RSPH6A: variants seen among roughly 807,000 people sequenced by gnomAD.
RSPH6A encodes the protein radial spoke head protein 6 homolog A.
A neutral mutation model predicts 66.1 loss-of-function variants in RSPH6A; 49 were observed. The observed-to-expected ratio is 0.74, with a 90% CI of 0.59 to 0.94. The LOEUF is 0.94. Among genes scored for constraint, RSPH6A ranks in the 40% least tolerant of loss-of-function variants. The pLI, the probability that RSPH6A is intolerant of heterozygous loss-of-function variation, is 0.00. For synonymous variants in RSPH6A, 419 were observed against 402.4 expected, an observed-to-expected ratio of 1.04 and a Z score of -0.49; for missense variants, 977 against 948.3, an observed-to-expected ratio of 1.03 and a Z score of -0.40.
At chr19:45,800,600 CA>C in intron 4 of RSPH6A, 37 bp from the exon 5 acceptor site, 1 of 1,567,462 alleles carries the variant, frequency 6.4e-7, no homozygotes, top group Non-Finnish European at 8.7e-7. Context: ...GCAGCAGGGT[CA>C]GGGAGGCCCC....
Position 45,802,156 on chromosome 19 carries a change from C to G in RSPH6A, c.1762G>C (p.Gly588Arg). The stretch of plus-strand genomic sequence containing the variant: ...GAAAGTGGCGTTAGCAGTGGGGGGC[C>G]AACCTCCTGCTCCACCTCCTCTGGC... ...EGPEEVEQEV[G>R]PPLLTPLSED... is the part of the protein sequence containing the mutation. Residue 588 changes from glycine (G) to arginine (R), a missense_variant, in exon 4 of 6, where the codon GGC becomes CGC. Coordinates refer to ENST00000221538, the MANE Select transcript of RSPH6A (RefSeq NM_030785.4). The G allele has an allele frequency of 7.1e-6, 11 of 1,557,548 alleles. No individual in the cohort carries two copies. The highest frequency in any genetic ancestry group is 9.6e-6 in the Non-Finnish European group (11 of 1,146,960).
At chr19:45,811,219 C>T (rs1970623667) in intron 1 of RSPH6A, among the ~76,000 whole-genome samples, 1 of 152,038 alleles carries the variant, frequency 6.6e-6, no homozygotes, top group Non-Finnish European at 1.5e-5. Flanking sequence ...GTCTCGAACT[C>T]CTGACCTCGT....
chr19:45,807,415 C>T (rs1442785151), intron 2 of RSPH6A, among the ~76,000 whole-genome samples: 2 of 152,046 alleles, frequency 1.3e-5, no homozygotes, highest in African/African-American at 4.8e-5. Flanking sequence ...CAGGGTTTCA[C>T]CATGTTAGCC....
In RSPH6A at chr19:45,801,195, T is replaced by C. The variant is rs144726843; in HGVS notation, c.1799-632A>G. ...AATGGGGAGACTCATCTGGCCTTTG[T>C]TGCAGGGTGGCAGTGAAGCCTGGTG... On this transcript the variant is annotated intron_variant, in intron 4 of 5. Transcript: ENST00000221538. 2.0e-3 allele frequency among the ~76,000 whole-genome samples: 305 copies of C among 152,302 alleles called. 3 individuals are homozygous for C. Among genetic ancestry groups the C allele is most frequent in the African/African-American group, 7.1e-3 (294 of 41,566 alleles).
Position 45,815,126 on chromosome 19 carries a change from GC to G in RSPH6A, c.50del (p.Gly17AlafsTer54), listed in dbSNP as rs1259491116. On this transcript the variant is annotated frameshift_variant, in exon 1 of 6. Coordinates refer to ENST00000221538, the MANE Select transcript of RSPH6A (RefSeq NM_030785.4). LOFTEE classifies it high-confidence loss of function. ...YPERPAQQPP[G>X]RRTSQASQRR... ...TCTGGGAGGCCTGAGAAGTCCTCCGGCCCGGAGGCTGCTGGGCAGGGCGCTC... is the reference window on the plus strand; with the variant it reads ...TCTGGGAGGCCTGAGAAGTCCTCCGGCCGGAGGCTGCTGGGCAGGGCGCTC... 6.2e-7 allele frequency: 1 copy of G among 1,611,740 alleles called. No homozygotes were observed. Among genetic ancestry groups the G allele is most frequent in the Non-Finnish European group, 8.5e-7 (1 of 1,179,940 alleles).
intron 3 of RSPH6A, among the ~76,000 whole-genome samples, chr19:45,802,696 G>A (rs563255602): frequency 2.4e-4 from 37 of 151,598 alleles, no homozygotes; most frequent in African/African-American, 8.2e-4. Context: ...TAGTAGAGAC[G>A]GGGTTTCACC....
rs773289601 is a variant in RSPH6A, at chr19:45,810,590, C to T, written c.888+13G>A. ...TGACCCTGATGCCCACCTCTCCTGA[C>T]TGGCTCACTCACCACCTCCTCCTCC... On this transcript the variant is annotated intron_variant, in intron 2 of 5. Coordinates refer to ENST00000221538, the MANE Select transcript of RSPH6A (RefSeq NM_030785.4). 6.2e-7 allele frequency: 1 copy of T among 1,612,620 alleles called. No homozygotes were observed. Among genetic ancestry groups the T allele is most frequent in the Non-Finnish European group, 8.5e-7 (1 of 1,178,748 alleles).
intron 2 of RSPH6A, among the ~76,000 whole-genome samples, chr19:45,807,550 GCC>G (rs1202824197): frequency 2.6e-5 from 4 of 151,696 alleles, no homozygotes; most frequent in African/African-American, 9.7e-5. Flanking sequence ...TCGCTCTGTT[GCC>G]CAGGCTGGAG....
chr19:45,797,403 TA>T (rs1402041193), intron 5 of RSPH6A, among the ~76,000 whole-genome samples: 1 of 151,318 alleles, frequency 6.6e-6, no homozygotes, highest in Non-Finnish European at 1.5e-5. Flanking sequence ...AAGAAATAAG[TA>T]ACTAAAAATA....
chr19:45,810,957 G>T (rs1323307866), intron 1 of RSPH6A, 117 bp from the exon 2 acceptor site: 12 of 660,212 alleles, frequency 1.8e-5, no homozygotes, highest in Middle Eastern at 2.9e-4. Flanking sequence ...AACTGAAAAG[G>T]TCCCTGCCCA....
In RSPH6A at chr19:45,795,800, C is replaced by T; in HGVS notation, c.*69G>A. The T allele has an allele frequency of 7.4e-7, 1 of 1,354,200 alleles. No homozygotes were observed. The highest frequency in any genetic ancestry group is 1.0e-6 in the Non-Finnish European group (1 of 985,528). 83.9% of individuals were successfully genotyped at this position (1,354,200 alleles called of 1,614,324 possible). ...AGGAAGCACATAGTGAAAATATAATCCATGCTAACTACCTCTAAGGGGAAA... is the reference window on the plus strand; with the variant it reads ...AGGAAGCACATAGTGAAAATATAATTCATGCTAACTACCTCTAAGGGGAAA... On this transcript the variant is annotated 3_prime_UTR_variant, in exon 6 of 6. Transcript: ENST00000221538.
intron 2 of RSPH6A, 103 bp downstream of exon 2, chr19:45,810,500 G>C (rs10402263): frequency 0.37 from 396,164 of 1,081,722 alleles, 74,887 homozygotes; most frequent in East Asian, 0.57. Context: ...ACTGGATTGT[G>C]CAATGCTGTC....
chr19:45,801,816 C>T (rs1600473344), intron 4 of RSPH6A, among the ~76,000 whole-genome samples: 1 of 139,192 alleles, frequency 7.2e-6, no homozygotes, highest in South Asian at 2.3e-4. Context: ...CACACACATA[C>T]ACACACATGC....
rs1600473776 is a variant in RSPH6A at position 45,802,501 on chromosome 19, G to T, written c.1654-237C>A. 5.2e-5 allele frequency among the ~76,000 whole-genome samples: 6 copies of T among 114,932 alleles called. 1 individual carries two copies. Among genetic ancestry groups the T allele is most frequent in the African/African-American group, 2.2e-4 (6 of 27,026 alleles). The allele number at this position is 114,932 out of a possible 152,430, so 75.4% of individuals were successfully genotyped here. On this transcript the variant is annotated intron_variant, in intron 3 of 5. Coordinates refer to ENST00000221538, the MANE Select transcript of RSPH6A (RefSeq NM_030785.4). Reference sequence around the variant, plus strand: ...CCATTCATGCATTCATTCACTCATTGAATTTTTTTTTTTTTTTTTTTTTGA... The same window carrying T: ...CCATTCATGCATTCATTCACTCATTTAATTTTTTTTTTTTTTTTTTTTTGA...
rs371400604 is a variant in RSPH6A, at chr19:45,814,574, G to A, written c.603C>T (p.Asn201=). Residue 201 remains asparagine (N), a synonymous_variant, in exon 1 of 6, where the codon AAC becomes AAT. Coordinates refer to ENST00000221538, the MANE Select transcript of RSPH6A (RefSeq NM_030785.4). ...EPEPLELAVQ[N]AKAYLLQTSI... Reference sequence around the variant, plus strand: ...TGGTCTGCAGCAGGTAGGCCTTGGCGTTCTGCACGGCCAGCTCCAGAGGCT... The same window carrying A: ...TGGTCTGCAGCAGGTAGGCCTTGGCATTCTGCACGGCCAGCTCCAGAGGCT... 2.6e-6 allele frequency: 4 copies of A among 1,542,428 alleles called. No individual in the cohort carries two copies. Among genetic ancestry groups the A allele is most frequent in the Non-Finnish European group, 2.6e-6 (3 of 1,145,922 alleles).
chr19:45,815,123 C>T lies in RSPH6A; in HGVS notation c.54G>A (p.Arg18=), dbSNP rs781287795. ...GCCTCTGGGAGGCCTGAGAAGTCCT[C>T]CGGCCCGGAGGCTGCTGGGCAGGGC... The part of the protein sequence containing the change: ...PERPAQQPPG[R]RTSQASQRRH... The change falls in exon 1 of 6, where the codon CGG becomes CGA. Residue 18 remains arginine, a synonymous_variant. Coordinates refer to ENST00000221538, the MANE Select transcript of RSPH6A (RefSeq NM_030785.4). The T allele has an allele frequency of 2.5e-6, 4 of 1,612,064 alleles. No individual in the cohort carries two copies. Among genetic ancestry groups the T allele is most frequent in the Non-Finnish European group, 3.4e-6 (4 of 1,179,960 alleles).
At chr19:45,810,501 C>T (rs1970609747) in intron 2 of RSPH6A, 102 bp downstream of exon 2, 2 of 1,094,670 alleles carry the variant, frequency 1.8e-6, no homozygotes, top group Non-Finnish European at 2.8e-6. Context: ...CTGGATTGTG[C>T]AATGCTGTCT....
In RSPH6A at chr19:45,814,581, A is replaced by C. The variant is rs1178109817; in HGVS notation, c.596T>G (p.Val199Gly). Residue 199 changes from valine (V) to glycine (G), a missense_variant, in exon 1 of 6, where the codon GTG (valine) becomes GGG (glycine). Val to Gly is a moderately radical substitution (Grantham distance 109). Coordinates refer to ENST00000221538, the MANE Select transcript of RSPH6A (RefSeq NM_030785.4). ...VPEPEPLELAVQNAKAYLLQT... is the reference protein window; with the variant it reads ...VPEPEPLELAGQNAKAYLLQT... ...CAGCAGGTAGGCCTTGGCGTTCTGC[A>C]CGGCCAGCTCCAGAGGCTCGGGCTC... The C allele has an allele frequency of 3.2e-6, 5 of 1,548,860 alleles. No individual in the cohort carries two copies. Among genetic ancestry groups the C allele is most frequent in the Non-Finnish European group, 4.3e-6 (5 of 1,149,524 alleles).
At chr19:45,799,818 G>A (rs969421566) in intron 5 of RSPH6A, among the ~76,000 whole-genome samples, 11 of 152,228 alleles carry the variant, frequency 7.2e-5, no homozygotes, top group Middle Eastern at 3.4e-3. Context: ...AGGCCAAGGC[G>A]GGCAGATCAC....
Sources: allele counts gnomAD v4.1 joint callset (sites outside exome capture counted in the v4.1 genomes callset), GRCh38; gene constraint gnomAD v4.1.1; transcripts MANE v1.5; gene names NCBI Gene and HGNC (gene_info 2026-07-23, HGNC 2026-07-21).